ANKS1B: variants seen among roughly 807,000 people sequenced by gnomAD.
ANKS1B encodes the protein ankyrin repeat and sterile alpha motif domain-containing protein 1B.
In ANKS1B, 36 loss-of-function variants were observed where a neutral mutation model predicts 148.3. That is an observed-to-expected ratio of 0.24 (90% CI 0.19 to 0.32). The LOEUF is 0.32. ANKS1B is among the 10% of genes least tolerant of loss of function. ANKS1B has a pLI of 1.00. For synonymous variants in ANKS1B, 542 were observed against 560.8 expected (o/e 0.97, Z 0.47); for missense variants, 1,157 against 1,542.6 (o/e 0.75, Z 4.19).
At chr12:98,934,616 ATTTG>A (rs1385503222) in intron 17 of ANKS1B, among the ~76,000 whole-genome samples, 6 of 151,918 alleles carry the variant, frequency 3.9e-5, no homozygotes, top group African/African-American at 1.4e-4. Flanking sequence ...ATATCTTTTC[ATTTG>A]TTTGTTTCTT....
In ANKS1B at chr12:99,632,759, A is replaced by T. The variant is rs1292799322; in HGVS notation, c.1272+22308T>A. On this transcript the variant is annotated intron_variant, in intron 9 of 26. Coordinates refer to ENST00000683438, the MANE Select transcript of ANKS1B (RefSeq NM_001352186.2). The stretch of plus-strand genomic sequence containing the variant: ...TATATATATATATATATATATATAT[A>T]TATATATATTTTAATTATACTTTAA... Among the ~76,000 whole-genome samples, 540 of 73,188 alleles carry T rather than the reference A, an allele frequency of 7.4e-3. 17 individuals carry two copies. The highest frequency in any genetic ancestry group is 0.03 in the African/African-American group (522 of 17,496). The allele number at this position is 73,188 out of a possible 152,430, so 48.0% of individuals were successfully genotyped here.
chr12:99,465,637 G>A (rs996613419), intron 10 of ANKS1B, among the ~76,000 whole-genome samples: 3 of 152,118 alleles, frequency 2.0e-5, no homozygotes, highest in African/African-American at 7.2e-5. Context: ...GGAAGGGGTT[G>A]CAATCCTAGT....
chr12:98,910,302 T>C (rs1232947283), intron 17 of ANKS1B, among the ~76,000 whole-genome samples: 1 of 152,208 alleles, frequency 6.6e-6, no homozygotes, highest in Admixed American at 6.5e-5. Context: ...TGTTACTGAC[T>C]GTAATGTCAT....
At chr12:98,825,902 T>C (rs1303084833) in intron 19 of ANKS1B, among the ~76,000 whole-genome samples, 1 of 152,242 alleles carries the variant, frequency 6.6e-6, no homozygotes, top group Non-Finnish European at 1.5e-5. Context: ...CACACATTAA[T>C]AGTGTGTAGG....
intron 10 of ANKS1B, among the ~76,000 whole-genome samples, chr12:99,466,611 C>A (rs1028411228): frequency 6.7e-6 from 1 of 150,030 alleles, no homozygotes; most frequent in Non-Finnish European, 1.5e-5. Flanking sequence ...GGGGATATCA[C>A]CACCGATCCC....
chr12:99,050,892 G>A (rs1202544720), intron 17 of ANKS1B, among the ~76,000 whole-genome samples: 1 of 151,322 alleles, frequency 6.6e-6, no homozygotes, highest in African/African-American at 2.4e-5. Context: ...TAGAGGCAGG[G>A]TTTCACCATG....
intron 14 of ANKS1B, among the ~76,000 whole-genome samples, chr12:99,183,598 G>A (rs892288918): frequency 6.6e-6 from 1 of 152,126 alleles, no homozygotes; most frequent in Non-Finnish European, 1.5e-5. Context: ...AGCTGAGATC[G>A]TGTCACTGCA....
chr12:98,907,639 C>T (rs569735145), intron 17 of ANKS1B, among the ~76,000 whole-genome samples: 1 of 152,312 alleles, frequency 6.6e-6, no homozygotes, highest in African/African-American at 2.4e-5. Flanking sequence ...AGCAGCCATC[C>T]TTGTCCCTAA....
At chr12:99,760,735 C>CA (rs1178120609) in intron 8 of ANKS1B, among the ~76,000 whole-genome samples, 3 of 150,620 alleles carry the variant, frequency 2.0e-5, no homozygotes, top group Non-Finnish European at 4.4e-5. Context: ...AAAATTCATA[C>CA]AAAAAAATCT....
chr12:99,600,862 T>C (rs1328337369), intron 9 of ANKS1B, among the ~76,000 whole-genome samples: 1 of 152,120 alleles, frequency 6.6e-6, no homozygotes, highest in Non-Finnish European at 1.5e-5. Context: ...CAAAATGTTT[T>C]GATCCAATGT....
intron 13 of ANKS1B, 109 bp downstream of exon 13, chr12:99,246,166 C>CTTTTTT: frequency 1.4e-6 from 1 of 720,044 alleles, no homozygotes; most frequent in Non-Finnish European, 2.1e-6. Context: ...GAGCCGTATG[C>CTTTTTT]TTTTTTTTTT....
intron 8 of ANKS1B, among the ~76,000 whole-genome samples, chr12:99,756,720 G>T (rs1286206814): frequency 6.6e-6 from 1 of 151,910 alleles, no homozygotes; most frequent in Non-Finnish European, 1.5e-5. Flanking sequence ...TACTGGTACA[G>T]AAACAGATAC....
Position 99,546,429 on chromosome 12 carries a change from C to T in ANKS1B, c.1273-41788G>A, listed in dbSNP as rs552915536. 1.1e-4 allele frequency among the ~76,000 whole-genome samples: 16 copies of T among 152,264 alleles called. 1 individual carries two copies. In the South Asian group the frequency reaches 2.5e-3, roughly 24 times the overall value. ...CTATTCCAATCTTAACCTACTTGTACTCTATGTTCTAGTCACTCTAGAAGT... is the reference window on the plus strand; with the variant it reads ...CTATTCCAATCTTAACCTACTTGTATTCTATGTTCTAGTCACTCTAGAAGT... On this transcript the variant is annotated intron_variant, in intron 9 of 26. Coordinates refer to ENST00000683438, the MANE Select transcript of ANKS1B (RefSeq NM_001352186.2).
chr12:99,250,039 G>A (rs2074373627), intron 12 of ANKS1B, among the ~76,000 whole-genome samples: 1 of 152,162 alleles, frequency 6.6e-6, no homozygotes, highest in Admixed American at 6.5e-5. Context: ...ACATTATAGG[G>A]GCCACACAGG....
At chr12:99,380,768 C>T (rs1033731450) in intron 12 of ANKS1B, among the ~76,000 whole-genome samples, 3 of 107,538 alleles carry the variant, frequency 2.8e-5, no homozygotes, top group African/African-American at 1.3e-4. Context: ...TTCCTTCCTT[C>T]CTTCCTTCCT....
chr12:99,211,682 G>A (rs1482300456), intron 14 of ANKS1B, among the ~76,000 whole-genome samples: 1 of 152,214 alleles, frequency 6.6e-6, no homozygotes, highest in East Asian at 1.9e-4. Flanking sequence ...TTGGATTAAA[G>A]CTGTGTGAAA....
At chr12:99,587,698 C>A (rs11109931) in intron 9 of ANKS1B, among the ~76,000 whole-genome samples, 1 of 151,848 alleles carries the variant, frequency 6.6e-6, no homozygotes, top group Admixed American at 6.6e-5. Flanking sequence ...AATTTAGGGG[C>A]GAATATAAAA....
intron 22 of ANKS1B, among the ~76,000 whole-genome samples, chr12:98,789,418 AG>A (rs920060990): frequency 1.0e-4 from 13 of 128,538 alleles, no homozygotes; most frequent in African/African-American, 3.7e-4. Context: ...GAAGATGTAT[AG>A]TTTTTTTTTT....
At chr12:99,789,422 C>T (rs2065368854) in intron 4 of ANKS1B, among the ~76,000 whole-genome samples, 1 of 152,042 alleles carries the variant, frequency 6.6e-6, no homozygotes. Flanking sequence ...ACATCAAGAC[C>T]ATCCAAGAAA....
Sources: gnomAD v4.1 joint callset for allele counts (sites outside exome capture counted in the v4.1 genomes callset) on GRCh38, gnomAD v4.1.1 for gene constraint, MANE v1.5 for transcripts, NCBI Gene and HGNC (gene_info 2026-07-23, HGNC 2026-07-21) for gene names.